SLC7A7: variants seen among roughly 807,000 people sequenced by gnomAD.
SLC7A7 encodes Y+L amino acid transporter 1.
Under a neutral mutation model 47.9 loss-of-function variants are expected in SLC7A7, and 39 were observed. The observed-to-expected ratio is 0.81, with a 90% CI of 0.63 to 1.06. The LOEUF (loss-of-function observed/expected upper bound fraction) is 1.06. Among genes scored for constraint, SLC7A7 ranks in the 50% least tolerant of loss-of-function variants. The pLI is 0.00. For missense variants in SLC7A7, 588 were observed against 632.0 expected (o/e 0.93, Z 0.75); for synonymous variants, 234 against 242.8 (o/e 0.96, Z 0.34).
intron 2 of SLC7A7, among the ~76,000 whole-genome samples, chr14:22,812,667 A>C (rs555524549): frequency 5.3e-5 from 8 of 151,098 alleles, no homozygotes; most frequent in South Asian, 2.1e-4. Context: ...ATCAGGAAGA[A>C]TATGCAAACT....
At chr14:22,791,874 G>T (rs979494341) in intron 2 of SLC7A7, among the ~76,000 whole-genome samples, 15 of 132,210 alleles carry the variant, frequency 1.1e-4, no homozygotes, top group Non-Finnish European at 1.5e-5. Flanking sequence ...TCGCTCTGTC[G>T]CCCAGGCTGG....
intron 2 of SLC7A7, among the ~76,000 whole-genome samples, chr14:22,796,344 T>G (rs2039021221): frequency 1.3e-5 from 2 of 152,312 alleles, no homozygotes; most frequent in South Asian, 4.1e-4. Flanking sequence ...ACAGCGGCTC[T>G]GGCAGACTCA....
At chr14:22,794,333 C>T (rs1395459139) in intron 2 of SLC7A7, among the ~76,000 whole-genome samples, 2 of 152,218 alleles carry the variant, frequency 1.3e-5, no homozygotes, top group Non-Finnish European at 2.9e-5. Context: ...TCCTCCCGCT[C>T]TCCTTCCTGG....
intron 2 of SLC7A7, among the ~76,000 whole-genome samples, chr14:22,808,370 T>A (rs1249363318): frequency 6.6e-6 from 1 of 152,190 alleles, no homozygotes; most frequent in Non-Finnish European, 1.5e-5. Context: ...TAATTAAATT[T>A]TTTCTAAGGG....
intron 2 of SLC7A7, among the ~76,000 whole-genome samples, chr14:22,794,159 G>A (rs535033044): frequency 2.6e-5 from 4 of 152,282 alleles, no homozygotes; most frequent in South Asian, 4.1e-4. Flanking sequence ...ATAAAACTCC[G>A]GTCTCCCGCA....
At chr14:22,811,844 C>CAAAA (rs57356836) in intron 2 of SLC7A7, among the ~76,000 whole-genome samples, 28 of 125,120 alleles carry the variant, frequency 2.2e-4, no homozygotes, top group Non-Finnish European at 3.1e-4. Context: ...GACTCTATCT[C>CAAAA]AAAAAAAAAA....
intron 8 of SLC7A7, 54 bp downstream of exon 8, chr14:22,774,300 A>G (rs758619875): frequency 1.9e-6 from 3 of 1,613,558 alleles, no homozygotes; most frequent in Non-Finnish European, 2.5e-6. Flanking sequence ...AGTCCCTTGT[A>G]GCAACAACTC....
chr14:22,804,880 G>T lies in SLC7A7; in HGVS notation c.499+8020C>A, dbSNP rs186969882. Among the ~76,000 whole-genome samples the T allele has an allele frequency of 8.0e-4, 121 of 152,162 alleles. 1 individual carries two copies. Among genetic ancestry groups the T allele is most frequent in the South Asian group, 2.9e-3 (14 of 4,800 alleles). ...ATTAGCTGGGCATGGGGGTGTGTAC[G>T]CCTGTTATCCCAGCTACTCAGGAGG... On this transcript the variant is annotated intron_variant, in intron 2 of 9. Transcript: ENST00000674313.
At chr14:22,786,396 T>C (rs2038818160) in intron 2 of SLC7A7, among the ~76,000 whole-genome samples, 1 of 152,172 alleles carries the variant, frequency 6.6e-6, no homozygotes, top group South Asian at 2.1e-4. Flanking sequence ...TACAACCCCT[T>C]GTGGAGCAAA....
intron 2 of SLC7A7, among the ~76,000 whole-genome samples, chr14:22,810,963 A>G (rs1205532225): frequency 6.6e-6 from 1 of 151,994 alleles, no homozygotes; most frequent in East Asian, 1.9e-4. Flanking sequence ...GGGCAACAAG[A>G]GTGAAACTCC....
At chr14:22,784,333 C>T (rs1332910878) in intron 2 of SLC7A7, among the ~76,000 whole-genome samples, 3 of 152,008 alleles carry the variant, frequency 2.0e-5, no homozygotes, top group Non-Finnish European at 4.4e-5. Flanking sequence ...AAAGAAGTCA[C>T]TCGTGGCCGG....
chr14:22,782,669 C>G (rs1404690594), intron 2 of SLC7A7, among the ~76,000 whole-genome samples: 7 of 151,576 alleles, frequency 4.6e-5, no homozygotes, highest in Non-Finnish European at 8.8e-5. Context: ...ACCATACTGG[C>G]CAGGCTAATC....
intron 2 of SLC7A7, among the ~76,000 whole-genome samples, chr14:22,799,505 A>G (rs1399567645): frequency 1.7e-5 from 2 of 115,358 alleles, no homozygotes; most frequent in African/African-American, 6.7e-5. Context: ...CCCAAGATGG[A>G]GTGCAGTGGA....
chr14:22,793,672 T>G (rs1375470288), intron 2 of SLC7A7, among the ~76,000 whole-genome samples: 1 of 152,128 alleles, frequency 6.6e-6, no homozygotes, highest in African/African-American at 2.4e-5. Flanking sequence ...TAAAATTAGC[T>G]GGGTGTGGTG....
upstream of SLC7A7, among the ~76,000 whole-genome samples, chr14:22,819,409 TAA>T (rs35921867): frequency 0.05 from 7,041 of 140,516 alleles, 525 homozygotes; most frequent in African/African-American, 0.16. Context: ...ACAGTCTCTT[TAA>T]AAAAAAAAAA....
rs1457544314 is a variant in SLC7A7, at chr14:22,773,644, TCTC to T, written c.1499_1501del (p.Gly500del). The T allele has an allele frequency of 6.8e-6, 11 of 1,614,044 alleles. No homozygotes were observed. Among genetic ancestry groups the T allele is most frequent in the African/African-American group, 1.3e-5 (1 of 74,922 alleles). On this transcript the variant is annotated inframe_deletion, in exon 10 of 10. Coordinates refer to ENST00000674313, the MANE Select transcript of SLC7A7 (RefSeq NM_003982.4). Reference sequence around the variant, plus strand: ...TTTGGGATCCCGTTGCTTGGGCATCTCTCCTCCATCTTCCAAATCCATTTCTGC... The same window carrying T: ...TTTGGGATCCCGTTGCTTGGGCATCTCTCCATCTTCCAAATCCATTTCTGC...
rs747530058 is a variant in SLC7A7 at position 22,779,963 on chromosome 14, G to A, written c.588C>T (p.Ile196=). 3.0e-5 allele frequency: 49 copies of A among 1,613,920 alleles called. 1 individual carries two copies. The South Asian group carries it at 3.2e-4, about 10-fold the overall frequency. Reference sequence around the variant, plus strand: ...TAACAATGCCTGCAACGATGACCGCGATCAGTGCCAATACTTTAGCATAGG... The same window carrying A: ...TAACAATGCCTGCAACGATGACCGCAATCAGTGCCAATACTTTAGCATAGG... ...IFTYAKVLAL[I]AVIVAGIVRL... Residue 196 remains isoleucine (I), a synonymous_variant, in exon 3 of 10, where the codon ATC becomes ATT. Transcript: ENST00000674313.
chr14:22,774,388 C>A lies in SLC7A7; in HGVS notation c.1211G>T (p.Arg404Leu). The A allele has an allele frequency of 6.2e-7, 1 of 1,614,106 alleles. No homozygotes were observed. The highest frequency in any genetic ancestry group is 1.1e-5 in the South Asian group (1 of 91,088). Residue 404 changes from arginine to leucine, a missense_variant, in exon 8 of 10, where the codon CGC (arginine) becomes CTC (leucine). Arg to Leu is a moderately radical substitution (Grantham distance 102). Transcript: ENST00000674313. ...ACGAGGTCGATCAGGCTCCTTCCAG[C>A]GCAGATAAAGCTGACCCACAATAGA... The part of the protein sequence containing the change: ...GLSIVGQLYL[R>L]WKEPDRPRPL...
rs1313735888 is a variant in SLC7A7 at position 22,775,822 on chromosome 14, G to A, written c.998+11C>T. ...TGATGATACACCCCTCACAAAAGTT[G>A]CCACTCTTACCTAGAAGCAGCCACA... On this transcript the variant is annotated intron_variant, in intron 6 of 9. Coordinates refer to ENST00000674313, the MANE Select transcript of SLC7A7 (RefSeq NM_003982.4). 1.9e-6 allele frequency: 3 copies of A among 1,599,826 alleles called. No homozygotes were observed. The highest frequency in any genetic ancestry group is 3.3e-5 in the Admixed American group (2 of 59,984).
Sources: gnomAD v4.1 joint callset for allele counts (sites outside exome capture counted in the v4.1 genomes callset) on GRCh38, gnomAD v4.1.1 for gene constraint, MANE v1.5 for transcripts, NCBI Gene and HGNC (gene_info 2026-07-23, HGNC 2026-07-21) for gene names.